Variants in NBEA observed in about 807,000 individuals in gnomAD.
NBEA encodes the protein lysosomal-trafficking regulator 2.
A neutral mutation model predicts 343.4 loss-of-function variants in NBEA; 44 were observed. That is an observed-to-expected ratio of 0.13 (90% CI 0.10 to 0.16). The LOEUF (loss-of-function observed/expected upper bound fraction) is 0.16. Ranked by LOEUF, NBEA falls within the 10% of genes least tolerant of loss-of-function variation. NBEA has a pLI of 1.00. For missense variants in NBEA, 2,555 were observed against 3,631.3 expected, an observed-to-expected ratio of 0.70 and a Z score of 7.62; for synonymous variants, 1,175 against 1,238.7, an observed-to-expected ratio of 0.95 and a Z score of 1.08.
chr13:34,956,822 T>A (rs2059507411), intron 1 of NBEA, among the ~76,000 whole-genome samples: 1 of 152,196 alleles, frequency 6.6e-6, no homozygotes, highest in South Asian at 2.1e-4. Context: ...AATTTTTTCA[T>A]CTTCCCAAAC....
intron 1 of NBEA, among the ~76,000 whole-genome samples, chr13:35,032,018 T>C (rs1243717731): frequency 1.3e-5 from 2 of 151,862 alleles, no homozygotes; most frequent in African/African-American, 4.8e-5. Context: ...CCATCTGGTA[T>C]ATGTACCACA....
At chr13:35,253,174 C>G (rs1013877534) in intron 34 of NBEA, among the ~76,000 whole-genome samples, 1 of 152,050 alleles carries the variant, frequency 6.6e-6, no homozygotes, top group African/African-American at 2.4e-5. Flanking sequence ...CAAAAAAACC[C>G]GAAAATTGGA....
chr13:35,111,206 G>T (rs568915534), intron 13 of NBEA, among the ~76,000 whole-genome samples: 1 of 151,998 alleles, frequency 6.6e-6, no homozygotes, highest in East Asian at 1.9e-4. Flanking sequence ...CTTTATTTTA[G>T]CCTGTATGCT....
At chr13:35,424,900 T>A (rs1268567993) in intron 38 of NBEA, among the ~76,000 whole-genome samples, 1 of 152,224 alleles carries the variant, frequency 6.6e-6, no homozygotes, top group East Asian at 1.9e-4. Context: ...TGTCGAGGAA[T>A]TTATCCATTT....
chr13:35,646,139 G>A (rs1439132502), intron 50 of NBEA, 120 bp from the exon 51 acceptor site: 28 of 805,398 alleles, frequency 3.5e-5, no homozygotes, highest in African/African-American at 2.6e-4. Context: ...AAGAGCACCC[G>A]TTGAATTTTC....
At chr13:35,249,081 G>A (rs1259141521) in intron 34 of NBEA, among the ~76,000 whole-genome samples, 4 of 150,876 alleles carry the variant, frequency 2.7e-5, no homozygotes, top group Non-Finnish European at 5.9e-5. Context: ...CCTGGGAGGC[G>A]GAGGTTGCAG....
At chr13:35,045,506 C>T in intron 4 of NBEA, 105 bp downstream of exon 4, 1 of 883,044 alleles carries the variant, frequency 1.1e-6, no homozygotes, top group South Asian at 1.8e-5. Flanking sequence ...GAAAGCACAA[C>T]TTGATGAGTT....
intron 52 of NBEA, 65 bp downstream of exon 52, chr13:35,649,912 T>C: frequency 8.4e-7 from 1 of 1,193,378 alleles, no homozygotes; most frequent in East Asian, 2.6e-5. Context: ...AGTAAAAAAG[T>C]GTACTGGGAC....
At chr13:35,078,064 TATAA>T (rs959968676) in intron 10 of NBEA, among the ~76,000 whole-genome samples, 1 of 152,182 alleles carries the variant, frequency 6.6e-6, no homozygotes, top group Non-Finnish European at 1.5e-5. Flanking sequence ...CTACCTGCTT[TATAA>T]ATAAAGGGGA....
At chr13:35,409,012 A>G (rs1002739439) in intron 38 of NBEA, among the ~76,000 whole-genome samples, 1 of 152,294 alleles carries the variant, frequency 6.6e-6, no homozygotes, top group South Asian at 2.1e-4. Context: ...CCCAAAGGAA[A>G]TAAATCATTC....
intron 18 of NBEA, among the ~76,000 whole-genome samples, chr13:35,149,947 C>G (rs1593515822): frequency 6.6e-6 from 1 of 152,148 alleles, no homozygotes; most frequent in Non-Finnish European, 1.5e-5. Flanking sequence ...TACCCACCAC[C>G]TATACTCCTG....
intron 18 of NBEA, among the ~76,000 whole-genome samples, chr13:35,149,365 C>G (rs944004441): frequency 6.6e-6 from 1 of 152,028 alleles, no homozygotes; most frequent in Non-Finnish European, 1.5e-5. Flanking sequence ...TGTTTCAGAT[C>G]TTATAACTAC....
intron 35 of NBEA, among the ~76,000 whole-genome samples, chr13:35,306,221 T>A (rs769057968): frequency 2.0e-5 from 3 of 152,134 alleles, no homozygotes. Context: ...GTTCTAAAAT[T>A]TAATGATGAT....
chr13:35,446,417 G>C (rs2046047151), intron 39 of NBEA, among the ~76,000 whole-genome samples: 1 of 152,144 alleles, frequency 6.6e-6, no homozygotes. Flanking sequence ...GGTTGAACTA[G>C]TTTACAGTCC....
At chr13:35,569,941 A>C (rs9574135) in intron 45 of NBEA, among the ~76,000 whole-genome samples, 49,076 of 152,154 alleles carry the variant, frequency 0.32, 8,076 homozygotes, top group South Asian at 0.4. Context: ...TCCATGTAGG[A>C]AAAAATGAGT....
At chr13:35,404,111 T>C (rs529474600) in intron 38 of NBEA, among the ~76,000 whole-genome samples, 12 of 152,244 alleles carry the variant, frequency 7.9e-5, no homozygotes, top group South Asian at 4.1e-4. Context: ...CAACAGGTGC[T>C]GGAGAGGATG....
chr13:35,304,515 G>T (rs184202248), intron 35 of NBEA, among the ~76,000 whole-genome samples: 89 of 152,168 alleles, frequency 5.8e-4, no homozygotes, highest in African/African-American at 2.1e-3. Context: ...CACCACACCC[G>T]GCTAATTTTT....
chr13:35,354,603 G>GAA (rs58770404), intron 38 of NBEA, among the ~76,000 whole-genome samples: 1 of 149,540 alleles, frequency 6.7e-6, no homozygotes, highest in African/African-American at 2.5e-5. Flanking sequence ...CCAACTATCT[G>GAA]AAAAAAAAAC....
intron 11 of NBEA, among the ~76,000 whole-genome samples, chr13:35,101,878 C>T (rs2065663878): frequency 6.6e-6 from 1 of 151,668 alleles, no homozygotes; most frequent in African/African-American, 2.4e-5. Flanking sequence ...TTTTCACTCT[C>T]TTAATGGTGA....
Sources: allele counts gnomAD v4.1 joint callset (sites outside exome capture counted in the v4.1 genomes callset), GRCh38; gene constraint gnomAD v4.1.1; transcripts MANE v1.5; gene names NCBI Gene and HGNC (gene_info 2026-07-23, HGNC 2026-07-21).